The following STPG2 variants were observed in gnomAD, a reference collection of about 807,000 sequenced individuals.
The protein encoded by STPG2 is sperm-tail PG-rich repeat-containing protein 2.
A neutral mutation model predicts 54.2 loss-of-function variants in STPG2; 56 were observed. The observed-to-expected ratio is 1.03, with a 90% confidence interval of 0.83 to 1.29. The LOEUF is 1.29. Among genes scored for constraint, STPG2 ranks in the 50% most tolerant of loss-of-function variants. STPG2 has a pLI of 0.00. For synonymous variants in STPG2, 200 were observed against 181.8 expected (o/e 1.10, Z -0.81); for missense variants, 596 against 544.9 (o/e 1.09, Z -0.93).
chr4:97,535,015 T>G (rs561372880), intron 4 of STPG2, among the ~76,000 whole-genome samples: 40 of 152,312 alleles, frequency 2.6e-4, no homozygotes, highest in African/African-American at 9.4e-4. Flanking sequence ...TGTATATCCA[T>G]TCACTGGTTG....
intron 8 of STPG2, among the ~76,000 whole-genome samples, chr4:97,907,158 C>A (rs984766308): frequency 6.6e-6 from 1 of 152,008 alleles, no homozygotes; most frequent in Non-Finnish European, 1.5e-5. Flanking sequence ...TGATAAGCAA[C>A]TTCAGCAAAG....
intron 8 of STPG2, among the ~76,000 whole-genome samples, chr4:97,942,771 A>G (rs1733039194): frequency 6.6e-6 from 1 of 152,192 alleles, no homozygotes; most frequent in Admixed American, 6.5e-5. Context: ...TATCTCACGT[A>G]GCAGAATTTT....
At chr4:97,688,289 A>G (rs551394831) in intron 10 of STPG2, among the ~76,000 whole-genome samples, 21 of 152,198 alleles carry the variant, frequency 1.4e-4, no homozygotes, top group Non-Finnish European at 2.6e-4. Context: ...AAGAAAATAA[A>G]TGTATAAATA....
At chr4:97,560,823 G>A (rs887041230) in intron 10 of STPG2, among the ~76,000 whole-genome samples, 1 of 152,128 alleles carries the variant, frequency 6.6e-6, no homozygotes, top group Non-Finnish European at 1.5e-5. Context: ...AAATTGAGGG[G>A]AGGGGGGAAC....
intron 4 of STPG2, among the ~76,000 whole-genome samples, chr4:97,483,353 T>C (rs897500556): frequency 1.3e-5 from 2 of 151,640 alleles, no homozygotes; most frequent in Non-Finnish European, 3.0e-5. Flanking sequence ...AGAACTCACA[T>C]AAACTTAAAG....
chr4:97,625,148 G>C (rs1398195918), intron 10 of STPG2, among the ~76,000 whole-genome samples: 1 of 152,166 alleles, frequency 6.6e-6, no homozygotes, highest in Non-Finnish European at 1.5e-5. Context: ...GAGATATTTT[G>C]TAATGGTAGC....
chr4:98,059,726 GGCTT>G (rs1737586920), intron 5 of STPG2, among the ~76,000 whole-genome samples: 1 of 151,080 alleles, frequency 6.6e-6, no homozygotes, highest in Non-Finnish European at 1.5e-5. Context: ...TGATCAAATA[GGCTT>G]CATCCCCAGG....
At chr4:97,537,921 C>T (rs1731578468) in intron 4 of STPG2, among the ~76,000 whole-genome samples, 1 of 152,142 alleles carries the variant, frequency 6.6e-6, no homozygotes, top group African/African-American at 2.4e-5. Flanking sequence ...GCTGCTGATA[C>T]CCAGGCAAAC....
In STPG2 at chr4:97,622,785, GACC is replaced by G. The variant is rs1734045527; in HGVS notation, c.1321-63671_1321-63669del. ...AAAAACTATCTTAAAATTTGTATGG[GACC>G]ATAAAAGAGCCCCAAAAGCCAAAGT... On this transcript the variant is annotated intron_variant, in intron 10 of 10. Coordinates refer to ENST00000295268, the MANE Select transcript of STPG2 (RefSeq NM_174952.3). 2.0e-5 allele frequency among the ~76,000 whole-genome samples: 3 copies of G among 151,882 alleles called. No individual in the cohort carries two copies. The South Asian group carries it at 6.2e-4, about 32-fold the overall frequency.
intron 10 of STPG2, among the ~76,000 whole-genome samples, chr4:97,610,938 A>T (rs1464040744): frequency 6.6e-6 from 1 of 152,094 alleles, no homozygotes; most frequent in Non-Finnish European, 1.5e-5. Flanking sequence ...TTTAGAAAAC[A>T]CATAGGTGAA....
intron 3 of STPG2, among the ~76,000 whole-genome samples, chr4:98,121,779 T>C (rs28830839): frequency 0.076 from 11,537 of 152,046 alleles, 490 homozygotes; most frequent in African/African-American, 0.1. Context: ...TGGAGTGCAG[T>C]GGCATGATCT....
intron 8 of STPG2, among the ~76,000 whole-genome samples, chr4:97,870,318 A>C (rs566921979): frequency 6.6e-6 from 1 of 151,756 alleles, no homozygotes; most frequent in South Asian, 2.1e-4. Flanking sequence ...TATATTACTC[A>C]CAGAAATAAA....
chr4:97,805,491 G>A lies in STPG2; in HGVS notation c.1204+35282C>T, dbSNP rs547359592. ...CTCCTAAAGTGCTGGGATTACAGGC[G>A]TGAGCCACCGCACCCAGCCTGTTCT... On this transcript the variant is annotated intron_variant, in intron 9 of 10. Transcript: ENST00000295268. 8.5e-5 allele frequency among the ~76,000 whole-genome samples: 13 copies of A among 152,308 alleles called. No individual in the cohort carries two copies. The South Asian group carries it at 1.7e-3, about 19-fold the overall frequency.
chr4:98,065,850 A>T (rs933693676), intron 5 of STPG2, among the ~76,000 whole-genome samples: 1 of 152,158 alleles, frequency 6.6e-6, no homozygotes, highest in Admixed American at 6.6e-5. Flanking sequence ...TTTAAGATGG[A>T]CTAAGCTCAT....
At chr4:98,127,291 C>T (rs1739857881) in intron 3 of STPG2, among the ~76,000 whole-genome samples, 1 of 152,048 alleles carries the variant, frequency 6.6e-6, no homozygotes, top group South Asian at 2.1e-4. Flanking sequence ...ACTATTTTCA[C>T]AGTATCTATG....
chr4:98,098,981 G>A (rs7662948), intron 5 of STPG2, among the ~76,000 whole-genome samples: 1 of 151,760 alleles, frequency 6.6e-6, no homozygotes, highest in African/African-American at 2.4e-5. Flanking sequence ...GCAATGTGGA[G>A]GAAAGGAAAC....
chr4:97,729,063 T>TCTCTCTCTCTCTCTCTCTCTCTCTC (rs1724710920), intron 9 of STPG2, among the ~76,000 whole-genome samples: 1 of 124,844 alleles, frequency 8.0e-6, no homozygotes, highest in Non-Finnish European at 1.7e-5. Flanking sequence ...CCCCAAGAAT[T>TCTCTCTCTCTCTCTCTCTCTCTCTC]TCTCTCTCTC....
chr4:97,977,345 T>C (rs1734532540), intron 6 of STPG2, among the ~76,000 whole-genome samples: 1 of 152,224 alleles, frequency 6.6e-6, no homozygotes, highest in Non-Finnish European at 1.5e-5. Context: ...GTTATAATCC[T>C]ATTAAATTTC....
intron 4 of STPG2, among the ~76,000 whole-genome samples, chr4:98,107,859 T>C (rs1739231410): frequency 6.6e-6 from 1 of 152,002 alleles, no homozygotes; most frequent in African/African-American, 2.4e-5. Context: ...AACAAAAGCA[T>C]ATGTCAAGAA....
Sources: gnomAD v4.1 joint callset for allele counts (sites outside exome capture counted in the v4.1 genomes callset) on GRCh38, gnomAD v4.1.1 for gene constraint, MANE v1.5 for transcripts, NCBI Gene and HGNC (gene_info 2026-07-23, HGNC 2026-07-21) for gene names.